Variants in SCFD2 observed in about 807,000 individuals in gnomAD.
SCFD2 encodes the protein sec1 family domain containing 2.
A neutral mutation model predicts 58.9 loss-of-function variants in SCFD2; 54 were observed. That is an observed-to-expected ratio of 0.92 (90% confidence interval 0.74 to 1.15). SCFD2 has a LOEUF of 1.15. SCFD2 is among the 50% of genes most tolerant of loss of function. The pLI is 0.00. For synonymous variants in SCFD2, 321 were observed against 335.9 expected (o/e 0.96, Z 0.49); for missense variants, 805 against 836.6 (o/e 0.96, Z 0.47).
At chr4:52,947,070 C>A (rs1720450648) in intron 5 of SCFD2, among the ~76,000 whole-genome samples, 1 of 152,158 alleles carries the variant, frequency 6.6e-6, no homozygotes, top group Admixed American at 6.6e-5. Flanking sequence ...TTGGCTCCTG[C>A]ACTGTTCTTA....
At chr4:52,961,792 C>T (rs1720858267) in intron 5 of SCFD2, among the ~76,000 whole-genome samples, 1 of 152,218 alleles carries the variant, frequency 6.6e-6, no homozygotes, top group Non-Finnish European at 1.5e-5. Context: ...TCTTAGGTTA[C>T]TTTCAGCCTG....
rs1265262337 is a variant in SCFD2, at chr4:53,054,993, G to A, written c.1561+90340C>T. 2.0e-5 allele frequency among the ~76,000 whole-genome samples: 3 copies of A among 152,070 alleles called. No individual in the cohort carries two copies. The East Asian group carries it at 5.8e-4, about 29-fold the overall frequency. ...TAAAAGTTAACAGATCGAGGGGAGA[G>A]AAGCAGCAATAACAATAATGAAGGA... On this transcript the variant is annotated intron_variant, in intron 5 of 8. Transcript: ENST00000401642.
intron 5 of SCFD2, among the ~76,000 whole-genome samples, chr4:52,961,561 AC>A (rs35069480): frequency 0.14 from 21,047 of 152,188 alleles, 1,626 homozygotes; most frequent in East Asian, 0.32. Flanking sequence ...TAGTGGGAAA[AC>A]CAGCCTCCCT....
At chr4:53,296,210 T>C (rs913892328) in intron 3 of SCFD2, among the ~76,000 whole-genome samples, 2 of 152,232 alleles carry the variant, frequency 1.3e-5, no homozygotes, top group Non-Finnish European at 2.9e-5. Flanking sequence ...TCAGAAGGAA[T>C]GGTACCAGCT....
At chr4:53,298,033 G>A (rs1369717020) in intron 3 of SCFD2, among the ~76,000 whole-genome samples, 2 of 152,150 alleles carry the variant, frequency 1.3e-5, no homozygotes, top group Non-Finnish European at 2.9e-5. Context: ...ACAGAAGACG[G>A]GTGATTTCTG....
intron 4 of SCFD2, among the ~76,000 whole-genome samples, chr4:53,242,293 G>C (rs1729919380): frequency 1.3e-5 from 2 of 152,194 alleles, no homozygotes; most frequent in African/African-American, 4.8e-5. Context: ...TCCTAACCTT[G>C]AGGAGCCAGA....
chr4:52,878,556 A>C (rs1164992589), intron 8 of SCFD2, among the ~76,000 whole-genome samples: 4 of 152,230 alleles, frequency 2.6e-5, no homozygotes, highest in Admixed American at 2.6e-4. Flanking sequence ...ATTTTACTAG[A>C]ACATTTCTAC....
At chr4:53,212,575 C>CGTGTGT (rs72335886) in intron 4 of SCFD2, among the ~76,000 whole-genome samples, 3,628 of 142,228 alleles carry the variant, frequency 0.026, 56 homozygotes, top group Middle Eastern at 0.046. Flanking sequence ...AAAGTGAGCA[C>CGTGTGT]GTGTGTGTGT....
At chr4:53,345,297 G>C (rs1399500640) in intron 2 of SCFD2, among the ~76,000 whole-genome samples, 2 of 152,174 alleles carry the variant, frequency 1.3e-5, no homozygotes, top group Non-Finnish European at 2.9e-5. Flanking sequence ...GATATGAACA[G>C]ACACTTCACA....
At chr4:53,196,580 C>G (rs1728064548) in intron 4 of SCFD2, among the ~76,000 whole-genome samples, 1 of 152,130 alleles carries the variant, frequency 6.6e-6, no homozygotes, top group South Asian at 2.1e-4. Context: ...GTTTAAGCCC[C>G]TAGCCTCTGC....
At chr4:53,093,791 T>G (rs1473023868) in intron 5 of SCFD2, among the ~76,000 whole-genome samples, 1 of 152,074 alleles carries the variant, frequency 6.6e-6, no homozygotes, top group Non-Finnish European at 1.5e-5. Context: ...TAGAGATGTA[T>G]ATCTTTGCAG....
At chr4:52,953,465 C>T (rs565028864) in intron 5 of SCFD2, among the ~76,000 whole-genome samples, 5 of 152,288 alleles carry the variant, frequency 3.3e-5, no homozygotes, top group South Asian at 2.1e-4. Context: ...TGAATATTCC[C>T]GATCTAGGAA....
intron 5 of SCFD2, among the ~76,000 whole-genome samples, chr4:53,103,897 TAA>T (rs34101811): frequency 1.4e-3 from 101 of 74,326 alleles, no homozygotes; most frequent in Non-Finnish European, 2.1e-3. Flanking sequence ...CAATATGAGC[TAA>T]AAAAAAAAAA....
At chr4:53,102,709 A>G (rs1331557942) in intron 5 of SCFD2, among the ~76,000 whole-genome samples, 1 of 152,130 alleles carries the variant, frequency 6.6e-6, no homozygotes, top group East Asian at 1.9e-4. Flanking sequence ...ACAAAAAAAC[A>G]AAAGCTTGTT....
At chr4:53,004,905 T>C (rs1278379909) in intron 5 of SCFD2, among the ~76,000 whole-genome samples, 1 of 151,968 alleles carries the variant, frequency 6.6e-6, no homozygotes, top group Non-Finnish European at 1.5e-5. Context: ...ATTTCTATTC[T>C]TTATTTTAAG....
intron 3 of SCFD2, among the ~76,000 whole-genome samples, chr4:53,281,354 T>C (rs1381630839): frequency 1.3e-5 from 2 of 152,202 alleles, no homozygotes; most frequent in Non-Finnish European, 2.9e-5. Flanking sequence ...ACTCCTAGTA[T>C]GTGATGCAAA....
intron 5 of SCFD2, among the ~76,000 whole-genome samples, chr4:52,934,287 T>C (rs1311379051): frequency 2.0e-5 from 3 of 152,152 alleles, no homozygotes; most frequent in Non-Finnish European, 4.4e-5. Flanking sequence ...TGAACAGCCA[T>C]GTGTTGCCCC....
intron 5 of SCFD2, among the ~76,000 whole-genome samples, chr4:53,003,508 A>T (rs951266312): frequency 6.6e-6 from 1 of 152,198 alleles, no homozygotes; most frequent in African/African-American, 2.4e-5. Flanking sequence ...TCTACGAGAT[A>T]CCACTGTCTT....
chr4:53,126,072 AGCTAAAACTAATATGAAGTTTC>A (rs1192508576), intron 5 of SCFD2, among the ~76,000 whole-genome samples: 1 of 152,166 alleles, frequency 6.6e-6, no homozygotes, highest in African/African-American at 2.4e-5. Flanking sequence ...GTTGAAGTTG[AGCTAAAACTAATATGAAGTTTC>A]GCTAAAACTA....
Sources: gnomAD v4.1 joint callset for allele counts (sites outside exome capture counted in the v4.1 genomes callset) on GRCh38, gnomAD v4.1.1 for gene constraint, MANE v1.5 for transcripts, NCBI Gene and HGNC (gene_info 2026-07-23, HGNC 2026-07-21) for gene names.